CSMD1: variants seen among roughly 807,000 people sequenced by gnomAD.
CSMD1 encodes the protein CUB and sushi domain-containing protein 1.
CSMD1 carries 213 observed loss-of-function variants against 417.5 expected under a neutral mutation model. The observed-to-expected ratio is 0.51, with a 90% CI of 0.46 to 0.57. The LOEUF (loss-of-function observed/expected upper bound fraction) is 0.57. CSMD1 is among the 20% of genes least tolerant of loss of function. The probability of loss-of-function intolerance (pLI) is 0.00; values close to 1 mark genes in which losing one functional copy is unlikely to be tolerated. For missense variants in CSMD1, 6,923 were observed against 4,529.7 expected (o/e 1.53, Z -15.17); for synonymous variants, 2,862 against 1,736.8 (o/e 1.65, Z -16.11).
chr8:3,668,442 G>C (rs541142342), intron 7 of CSMD1, among the ~76,000 whole-genome samples: 6 of 152,226 alleles, frequency 3.9e-5, no homozygotes, highest in African/African-American at 1.4e-4. Context: ...GAAGAGATGA[G>C]GGTTTATTCA....
At chr8:4,739,360 T>C (rs137865823) in intron 1 of CSMD1, among the ~76,000 whole-genome samples, 80 of 152,326 alleles carry the variant, frequency 5.3e-4, no homozygotes, top group African/African-American at 1.9e-3. Flanking sequence ...TACTGTAAAC[T>C]TCACAAATGT....
chr8:3,801,571 A>C (rs1800462749), intron 5 of CSMD1, among the ~76,000 whole-genome samples: 2 of 152,130 alleles, frequency 1.3e-5, no homozygotes, highest in African/African-American at 4.8e-5. Flanking sequence ...GCAATTCCTC[A>C]AATGGTTAAA....
At chr8:4,148,459 G>T (rs192900112) in intron 3 of CSMD1, among the ~76,000 whole-genome samples, 2 of 152,124 alleles carry the variant, frequency 1.3e-5, no homozygotes, top group South Asian at 4.1e-4. Flanking sequence ...CATGGCACAT[G>T]TATACATATG....
In CSMD1 at chr8:3,147,629, G is replaced by A. The variant is rs142668901; in HGVS notation, c.6031+3768C>T. Among the ~76,000 whole-genome samples the A allele has an allele frequency of 7.2e-4, 109 of 152,272 alleles. 1 individual carries two copies. Among genetic ancestry groups the A allele is most frequent in the African/African-American group, 2.6e-3 (106 of 41,552 alleles). On this transcript the variant is annotated intron_variant, in intron 40 of 69. Coordinates refer to ENST00000635120, the MANE Select transcript of CSMD1 (RefSeq NM_033225.6). ...CACACAGTAAAATTTGAGCACCCTG[G>A]GGGGCAGTCATTTTCCTTGTTACTT...
intron 5 of CSMD1, among the ~76,000 whole-genome samples, chr8:3,778,057 C>T (rs886378313): frequency 3.9e-5 from 6 of 152,206 alleles, no homozygotes; most frequent in East Asian, 1.9e-4. Flanking sequence ...AGGCTGTCCA[C>T]GTCCCTCCAG....
chr8:3,545,455 G>C (rs1346369551), intron 10 of CSMD1, among the ~76,000 whole-genome samples: 2 of 152,180 alleles, frequency 1.3e-5, no homozygotes, highest in African/African-American at 4.8e-5. Flanking sequence ...CAAAACAGAA[G>C]GTAAATTTTC....
rs142096143 is a variant in CSMD1, at chr8:4,524,766, G to A, written c.303-104701C>T. ...ACAAATTATCATACATGATTCTATC[G>A]ACAAAGTATTTAGAAATTATCCAGT... is the stretch of plus-strand genomic sequence containing the variant. On this transcript the variant is annotated intron_variant, in intron 2 of 69. Transcript: ENST00000635120. 4.3e-3 allele frequency among the ~76,000 whole-genome samples: 655 copies of A among 152,000 alleles called. 4 individuals are homozygous for A. Among genetic ancestry groups the A allele is most frequent in the African/African-American group, 0.015 (624 of 41,452 alleles).
At chr8:3,349,989 G>C (rs974117276) in intron 21 of CSMD1, among the ~76,000 whole-genome samples, 1 of 143,326 alleles carries the variant, frequency 7.0e-6, no homozygotes, top group Non-Finnish European at 1.5e-5. Flanking sequence ...ATAATTACTT[G>C]TGTATGTGTT....
At chr8:3,795,855 CTATCATGTACAGATATAG>C in intron 5 of CSMD1, among the ~76,000 whole-genome samples, 1 of 85,444 alleles carries the variant, frequency 1.2e-5, no homozygotes, top group Non-Finnish European at 2.4e-5. Flanking sequence ...AGATATATAT[CTATCATGTACAGATATAG>C]ATATATATCT....
chr8:4,761,788 T>A (rs867151730), intron 1 of CSMD1, among the ~76,000 whole-genome samples: 1 of 152,156 alleles, frequency 6.6e-6, no homozygotes, highest in Non-Finnish European at 1.5e-5. Flanking sequence ...TTTGTCTTAA[T>A]ATTGTGAATA....
intron 3 of CSMD1, among the ~76,000 whole-genome samples, chr8:4,386,162 C>G (rs1384955558): frequency 6.6e-6 from 1 of 152,188 alleles, no homozygotes; most frequent in African/African-American, 2.4e-5. Flanking sequence ...TTCCATCCCA[C>G]TCAAACAATA....
intron 3 of CSMD1, among the ~76,000 whole-genome samples, chr8:4,222,509 A>G (rs1801100827): frequency 6.6e-6 from 1 of 152,218 alleles, no homozygotes; most frequent in African/African-American, 2.4e-5. Context: ...TGTTAATATT[A>G]TTATTGTTAA....
chr8:3,290,697 G>A (rs1432234219), intron 25 of CSMD1, among the ~76,000 whole-genome samples: 1 of 147,362 alleles, frequency 6.8e-6, no homozygotes, highest in South Asian at 2.1e-4. Context: ...CTTTGCTGAA[G>A]TTGCTTATCA....
chr8:3,772,307 T>TAGACATACATATGTACATATATG (rs1798623905), intron 5 of CSMD1, among the ~76,000 whole-genome samples: 2 of 124,656 alleles, frequency 1.6e-5, no homozygotes, highest in Non-Finnish European at 3.4e-5. Context: ...GTACATATAT[T>TAGACATACATATGTACATATATG]TAGACATACA....
At chr8:4,503,586 A>G (rs1454039597) in intron 2 of CSMD1, among the ~76,000 whole-genome samples, 1 of 152,214 alleles carries the variant, frequency 6.6e-6, no homozygotes, top group Non-Finnish European at 1.5e-5. Context: ...ATATAAAAAT[A>G]AAAATAACTG....
chr8:3,111,886 T>C (rs2129016465), intron 42 of CSMD1, among the ~76,000 whole-genome samples: 1 of 152,078 alleles, frequency 6.6e-6, no homozygotes, highest in Non-Finnish European at 1.5e-5. Flanking sequence ...AACAAGCTAC[T>C]TTTGTCTCCT....
intron 3 of CSMD1, among the ~76,000 whole-genome samples, chr8:4,203,242 A>C (rs531678033): frequency 6.6e-6 from 1 of 152,252 alleles, no homozygotes; most frequent in East Asian, 1.9e-4. Flanking sequence ...CAAGCTCAGG[A>C]ATGTTGGCAG....
intron 5 of CSMD1, among the ~76,000 whole-genome samples, chr8:3,761,317 C>A (rs1797984472): frequency 6.6e-6 from 1 of 152,050 alleles, no homozygotes; most frequent in Non-Finnish European, 1.5e-5. Context: ...CACGCACATA[C>A]ACATATTTAC....
intron 1 of CSMD1, among the ~76,000 whole-genome samples, chr8:4,980,170 CTG>C (rs1483932869): frequency 6.6e-6 from 1 of 152,222 alleles, no homozygotes; most frequent in East Asian, 1.9e-4. Flanking sequence ...ACAGAGAGTT[CTG>C]TGTCACCAGT....
Sources: gnomAD v4.1 joint callset for allele counts (sites outside exome capture counted in the v4.1 genomes callset) on GRCh38, gnomAD v4.1.1 for gene constraint, MANE v1.5 for transcripts, NCBI Gene and HGNC (gene_info 2026-07-23, HGNC 2026-07-21) for gene names.